The following PLEKHG1 variants were observed in gnomAD, a reference collection of about 807,000 sequenced individuals.
PLEKHG1 encodes pleckstrin homology and RhoGEF domain containing G1.
A neutral mutation model predicts 100.8 loss-of-function variants in PLEKHG1; 44 were observed. The observed-to-expected ratio is 0.44, with a 90% confidence interval of 0.34 to 0.56. The LOEUF is 0.56. PLEKHG1 is among the 20% of genes least tolerant of loss of function. PLEKHG1 has a pLI of 0.01. For synonymous variants in PLEKHG1, 640 were observed against 662.5 expected (o/e 0.97, Z 0.52); for missense variants, 1,545 against 1,720.9 (o/e 0.90, Z 1.81).
chr6:150,619,042 C>T (rs1413752677), intron 1 of PLEKHG1, among the ~76,000 whole-genome samples: 2 of 152,016 alleles, frequency 1.3e-5, no homozygotes, highest in Admixed American at 6.6e-5. Flanking sequence ...GTGATTGCAC[C>T]ACGCACTCCA....
intron 6 of PLEKHG1, among the ~76,000 whole-genome samples, chr6:150,802,612 T>A (rs1786775779): frequency 6.6e-6 from 1 of 151,748 alleles, no homozygotes; most frequent in Admixed American, 6.6e-5. Context: ...GCTTTTGAAG[T>A]GTTTTCTGCT....
intron 4 of PLEKHG1, among the ~76,000 whole-genome samples, chr6:150,793,954 TG>T (rs1356315115): frequency 2.6e-5 from 4 of 152,094 alleles, no homozygotes; most frequent in African/African-American, 7.2e-5. Context: ...TGGTGACGCA[TG>T]CCTGTAATCC....
At chr6:150,635,983 T>C (rs960502300) in intron 1 of PLEKHG1, among the ~76,000 whole-genome samples, 2 of 152,290 alleles carry the variant, frequency 1.3e-5, no homozygotes, top group South Asian at 2.1e-4. Context: ...AAATAAATAT[T>C]GTATCTTTTG....
chr6:150,779,353 T>TTTTGTTTTTTG, intron 3 of PLEKHG1, among the ~76,000 whole-genome samples: 1 of 146,972 alleles, frequency 6.8e-6, no homozygotes, highest in South Asian at 2.2e-4. Context: ...AGTTTTTTTT[T>TTTTGTTTTTTG]TTTTTTTTTT....
intron 5 of PLEKHG1, among the ~76,000 whole-genome samples, chr6:150,798,623 A>G (rs957382861): frequency 1.3e-5 from 2 of 152,246 alleles, no homozygotes; most frequent in Non-Finnish European, 2.9e-5. Flanking sequence ...TGAAGGTCAG[A>G]TGCAACTAAA....
intron 4 of PLEKHG1, among the ~76,000 whole-genome samples, chr6:150,789,382 CT>C (rs1785830925): frequency 1.3e-5 from 2 of 152,166 alleles, no homozygotes; most frequent in African/African-American, 4.8e-5. Context: ...GAGCTGTTGA[CT>C]TTTATGTGAA....
intron 3 of PLEKHG1, among the ~76,000 whole-genome samples, chr6:150,679,994 G>T (rs1440006374): frequency 6.6e-6 from 1 of 152,166 alleles, no homozygotes; most frequent in Non-Finnish European, 1.5e-5. Flanking sequence ...AGTAAAGTCA[G>T]CAAGGGGGCC....
At chr6:150,783,239 A>G (rs1302876808) in intron 3 of PLEKHG1, among the ~76,000 whole-genome samples, 1 of 151,794 alleles carries the variant, frequency 6.6e-6, no homozygotes, top group Non-Finnish European at 1.5e-5. Context: ...TGAAAACAGG[A>G]AGATAGAGAG....
intron 3 of PLEKHG1, among the ~76,000 whole-genome samples, chr6:150,701,165 C>G (rs1780756657): frequency 6.6e-6 from 1 of 151,014 alleles, no homozygotes; most frequent in Non-Finnish European, 1.5e-5. Context: ...ACTAAAAATA[C>G]AAAAATTAGC....
In PLEKHG1 at chr6:150,745,308, C is replaced by T. The variant is rs567883456; in HGVS notation, c.411+11216C>T. 2.0e-5 allele frequency among the ~76,000 whole-genome samples: 3 copies of T among 152,318 alleles called. No homozygotes were observed. The South Asian group carries it at 6.2e-4, about 32-fold the overall frequency. On this transcript the variant is annotated intron_variant, in intron 2 of 15. Transcript: ENST00000358517. ...CAGTATTATAATCACATGGGACCAT[C>T]ATATCTGCAGTCCATCAGTGACCAA...
At chr6:150,635,405 CTGT>C (rs752008571) in intron 1 of PLEKHG1, among the ~76,000 whole-genome samples, 11 of 151,998 alleles carry the variant, frequency 7.2e-5, no homozygotes, top group African/African-American at 1.7e-4. Context: ...GAGTGTAGTT[CTGT>C]TGTTTCTTGT....
chr6:150,652,644 C>T (rs1208062655), intron 3 of PLEKHG1, among the ~76,000 whole-genome samples: 3 of 150,364 alleles, frequency 2.0e-5, no homozygotes, highest in Non-Finnish European at 4.4e-5. Flanking sequence ...CCCTTGAACC[C>T]GGGAGGCAGA....
chr6:150,707,925 C>G (rs1193705746), intron 3 of PLEKHG1, among the ~76,000 whole-genome samples: 3 of 152,114 alleles, frequency 2.0e-5, no homozygotes, highest in Non-Finnish European at 4.4e-5. Flanking sequence ...TTTCCTCTGC[C>G]TGACCCGTCA....
intron 1 of PLEKHG1, among the ~76,000 whole-genome samples, chr6:150,602,956 C>A (rs1582881495): frequency 6.6e-6 from 1 of 151,796 alleles, no homozygotes; most frequent in African/African-American, 2.4e-5. Context: ...TGGCGGGCAC[C>A]TGTAGTCCCA....
intron 2 of PLEKHG1, among the ~76,000 whole-genome samples, chr6:150,757,690 T>C (rs1783920097): frequency 6.6e-6 from 1 of 152,166 alleles, no homozygotes; most frequent in South Asian, 2.1e-4. Context: ...GGATTCTTTT[T>C]TTCTTCTTCT....
chr6:150,736,796 C>A (rs1367729449), intron 2 of PLEKHG1, among the ~76,000 whole-genome samples: 4 of 149,606 alleles, frequency 2.7e-5, no homozygotes, highest in Non-Finnish European at 4.5e-5. Flanking sequence ...AACAAAAAAT[C>A]AGATTAGCCA....
chr6:150,789,579 T>C (rs1422926786), intron 4 of PLEKHG1, among the ~76,000 whole-genome samples: 1 of 152,236 alleles, frequency 6.6e-6, no homozygotes, highest in Non-Finnish European at 1.5e-5. Context: ...GATAGCTGGC[T>C]AGGAGTAAGT....
chr6:150,656,245 C>T (rs1396285442), intron 3 of PLEKHG1, among the ~76,000 whole-genome samples: 1 of 151,838 alleles, frequency 6.6e-6, no homozygotes, highest in Admixed American at 6.6e-5. Flanking sequence ...GAGGGGGTCC[C>T]TAACTATTCT....
chr6:150,724,646 A>C (rs1781874530), intron 1 of PLEKHG1, among the ~76,000 whole-genome samples: 1 of 120,162 alleles, frequency 8.3e-6, no homozygotes, highest in Non-Finnish European at 1.7e-5. Flanking sequence ...TGCAACCTCC[A>C]CTCCCCAGGT....
Sources: gnomAD v4.1 joint callset for allele counts (sites outside exome capture counted in the v4.1 genomes callset) on GRCh38, gnomAD v4.1.1 for gene constraint, MANE v1.5 for transcripts, NCBI Gene and HGNC (gene_info 2026-07-23, HGNC 2026-07-21) for gene names.